The following MAST4 variants were observed in gnomAD, a reference collection of about 807,000 sequenced individuals.
MAST4 encodes the protein microtubule-associated serine/threonine-protein kinase 4.
MAST4 carries 89 observed loss-of-function variants against 162.7 expected under a neutral mutation model. The ratio of observed to expected loss-of-function variants is 0.55; its 90% CI spans 0.46 to 0.65. The LOEUF (loss-of-function observed/expected upper bound fraction) is 0.65. Ranked by LOEUF, MAST4 falls within the 30% of genes least tolerant of loss-of-function variation. The pLI is 0.00. For synonymous variants in MAST4, 1,479 were observed against 1,361.1 expected, an observed-to-expected ratio of 1.09 and a Z score of -1.91; for missense variants, 3,153 against 3,374.0, an observed-to-expected ratio of 0.93 and a Z score of 1.62.
At chr5:66,722,371 G>A (rs972270094) in intron 1 of MAST4, among the ~76,000 whole-genome samples, 2 of 151,250 alleles carry the variant, frequency 1.3e-5, no homozygotes, top group East Asian at 1.9e-4. Flanking sequence ...AGTCTTCACC[G>A]AAAGTTATCT....
At chr5:66,681,043 A>G (rs973785454) in intron 1 of MAST4, among the ~76,000 whole-genome samples, 1 of 152,196 alleles carries the variant, frequency 6.6e-6, no homozygotes, top group Admixed American at 6.5e-5. Flanking sequence ...TATTAACAAT[A>G]TGATACCACT....
At chr5:66,813,434 A>G (rs1756569549) in intron 3 of MAST4, among the ~76,000 whole-genome samples, 4 of 152,190 alleles carry the variant, frequency 2.6e-5, no homozygotes, top group Admixed American at 2.6e-4. Context: ...CAGTTTATTA[A>G]CTGAGTTTTC....
At chr5:66,989,194 C>T (rs996801886) in intron 4 of MAST4, among the ~76,000 whole-genome samples, 3 of 152,126 alleles carry the variant, frequency 2.0e-5, no homozygotes, top group South Asian at 2.1e-4. Context: ...AGGACCTTCA[C>T]GTTGTTAAAT....
chr5:66,722,527 T>C (rs1580293998), intron 1 of MAST4, among the ~76,000 whole-genome samples: 1 of 151,986 alleles, frequency 6.6e-6, no homozygotes, highest in East Asian at 1.9e-4. Flanking sequence ...TGTCCACCTC[T>C]CTCATCAGAA....
At chr5:66,719,159 G>A (rs1580284024) in intron 1 of MAST4, among the ~76,000 whole-genome samples, 1 of 152,338 alleles carries the variant, frequency 6.6e-6, no homozygotes, top group East Asian at 1.9e-4. Flanking sequence ...ACCAGTGTGA[G>A]GTTGCATTGA....
chr5:67,055,557 T>G (rs1196272550), intron 5 of MAST4, among the ~76,000 whole-genome samples: 1 of 152,216 alleles, frequency 6.6e-6, no homozygotes, highest in East Asian at 1.9e-4. Context: ...AAGTAGTTGC[T>G]CCTTTGGAGT....
intron 8 of MAST4, among the ~76,000 whole-genome samples, chr5:67,101,230 T>C (rs920077576): frequency 5.3e-5 from 8 of 152,168 alleles, no homozygotes; most frequent in Admixed American, 3.9e-4. Context: ...AGAGGCAGGA[T>C]TGGACAGAGG....
chr5:67,004,884 A>G (rs1751782912), intron 4 of MAST4: 1 of 666,926 alleles, frequency 1.5e-6, no homozygotes. Flanking sequence ...GAGTGAGTAG[A>G]TAATTGGGAT....
intron 4 of MAST4, among the ~76,000 whole-genome samples, chr5:66,942,506 T>A (rs2150107244): frequency 6.6e-6 from 1 of 152,282 alleles, no homozygotes; most frequent in Middle Eastern, 3.4e-3. Flanking sequence ...TTGTCTGACT[T>A]GCAAATTTAA....
intron 4 of MAST4, among the ~76,000 whole-genome samples, chr5:66,911,228 C>T (rs991671088): frequency 3.3e-5 from 5 of 152,146 alleles, no homozygotes; most frequent in Admixed American, 6.5e-5. Flanking sequence ...AACTTTTGAC[C>T]AGCACCGTAA....
chr5:66,669,777 A>G (rs1747491403), intron 1 of MAST4, among the ~76,000 whole-genome samples: 1 of 152,154 alleles, frequency 6.6e-6, no homozygotes, highest in Non-Finnish European at 1.5e-5. Context: ...TGAGAAGTAC[A>G]GTGAGGGTGG....
intron 4 of MAST4, among the ~76,000 whole-genome samples, chr5:66,912,872 T>C (rs1446368693): frequency 2.0e-5 from 3 of 152,164 alleles, no homozygotes; most frequent in African/African-American, 7.2e-5. Context: ...TCTAAGTCTT[T>C]CCCTCCCAAC....
intron 1 of MAST4, among the ~76,000 whole-genome samples, chr5:66,607,755 TC>T (rs1742983503): frequency 1.3e-5 from 2 of 152,298 alleles, no homozygotes; most frequent in Middle Eastern, 3.4e-3. Context: ...AAGAGGTCCT[TC>T]TTAGCTACAG....
intron 3 of MAST4, among the ~76,000 whole-genome samples, chr5:66,819,688 G>A (rs1014357835): frequency 3.3e-5 from 5 of 151,234 alleles, no homozygotes; most frequent in African/African-American, 1.2e-4. Context: ...TTTCCATTTT[G>A]TGTTTACATT....
intron 1 of MAST4, among the ~76,000 whole-genome samples, chr5:66,609,711 T>TG (rs1343028929): frequency 1.4e-5 from 2 of 147,014 alleles, no homozygotes; most frequent in Admixed American, 6.7e-5. Context: ...TTTTGTTTTT[T>TG]TTTTTTTGTT....
chr5:66,734,946 C>T (rs1329131972), intron 1 of MAST4, among the ~76,000 whole-genome samples: 2 of 152,200 alleles, frequency 1.3e-5, no homozygotes, highest in Admixed American at 1.3e-4. Context: ...ATTCCATGCT[C>T]CACCCTTAAG....
chr5:66,969,859 T>C (rs565590680), intron 4 of MAST4, among the ~76,000 whole-genome samples: 86 of 152,346 alleles, frequency 5.6e-4, no homozygotes, highest in African/African-American at 2.0e-3. Flanking sequence ...ATTCTATTTT[T>C]CCGCCTTTCA....
At chr5:66,738,660 GTTTAATGC>G (rs1752305984) in intron 1 of MAST4, among the ~76,000 whole-genome samples, 2 of 152,204 alleles carry the variant, frequency 1.3e-5, no homozygotes, top group African/African-American at 2.4e-5. Context: ...TTGCAAACAT[GTTTAATGC>G]AGGCCAGCGT....
chr5:66,777,981 C>A (rs1404241621), intron 2 of MAST4, among the ~76,000 whole-genome samples: 4 of 152,154 alleles, frequency 2.6e-5, no homozygotes, highest in African/African-American at 9.7e-5. Context: ...ACATGTCTAG[C>A]AATTCATTCT....
Sources: allele counts gnomAD v4.1 joint callset (sites outside exome capture counted in the v4.1 genomes callset), GRCh38; gene constraint gnomAD v4.1.1; transcripts MANE v1.5; gene names NCBI Gene and HGNC (gene_info 2026-07-23, HGNC 2026-07-21).